Variants in ULK4 observed in about 807,000 individuals in gnomAD.
ULK4 encodes the protein unc-51 like kinase 4.
A neutral mutation model predicts 160.6 loss-of-function variants in ULK4; 133 were observed. That is an observed-to-expected ratio of 0.83 (90% CI 0.72 to 0.96). The LOEUF (loss-of-function observed/expected upper bound fraction) is 0.96. Ranked by LOEUF, ULK4 falls within the 40% of genes least tolerant of loss-of-function variation. ULK4 has a pLI of 0.00. For missense variants in ULK4, 1,580 were observed against 1,499.5 expected (o/e 1.05, Z -0.89); for synonymous variants, 534 against 539.8 (o/e 0.99, Z 0.15).
intron 21 of ULK4, among the ~76,000 whole-genome samples, chr3:41,771,917 A>G (rs144395605): frequency 1.8e-3 from 271 of 152,266 alleles, no homozygotes; most frequent in Non-Finnish European, 2.7e-3. Context: ...CCTTTTTAAG[A>G]AACAATGAAT....
intron 35 of ULK4, among the ~76,000 whole-genome samples, chr3:41,391,592 A>T (rs1369225475): frequency 1.3e-5 from 2 of 151,856 alleles, no homozygotes; most frequent in East Asian, 3.9e-4. Flanking sequence ...GTACTAAAAT[A>T]TTAAAAGAAT....
At chr3:41,491,850 T>C (rs1182673254) in intron 32 of ULK4, among the ~76,000 whole-genome samples, 12 of 151,954 alleles carry the variant, frequency 7.9e-5, no homozygotes, top group African/African-American at 2.9e-4. Context: ...CATTTAGCAT[T>C]AGGTATACCT....
chr3:41,739,715 T>G (rs907140107), intron 22 of ULK4, among the ~76,000 whole-genome samples: 1 of 151,914 alleles, frequency 6.6e-6, no homozygotes, highest in African/African-American at 2.4e-5. Flanking sequence ...CAAGATGACA[T>G]GTTTCTCCAA....
At chr3:41,532,702 G>A (rs574280655) in intron 32 of ULK4, among the ~76,000 whole-genome samples, 4 of 152,150 alleles carry the variant, frequency 2.6e-5, no homozygotes, top group Admixed American at 2.6e-4. Context: ...TGTGCTACAA[G>A]AGTGGATTTA....
intron 34 of ULK4, among the ~76,000 whole-genome samples, chr3:41,413,746 C>T (rs1328434873): frequency 6.6e-6 from 1 of 151,994 alleles, no homozygotes; most frequent in Non-Finnish European, 1.5e-5. Flanking sequence ...AAACTATGGC[C>T]CAACTTTGGT....
At chr3:41,719,440 T>G (rs1421217609) in intron 22 of ULK4, among the ~76,000 whole-genome samples, 1 of 152,218 alleles carries the variant, frequency 6.6e-6, no homozygotes, top group African/African-American at 2.4e-5. Flanking sequence ...TTAAAGAGGT[T>G]CAAACTCTGT....
intron 30 of ULK4, among the ~76,000 whole-genome samples, chr3:41,634,198 A>G (rs1440648627): frequency 1.3e-5 from 2 of 152,276 alleles, no homozygotes; most frequent in East Asian, 1.9e-4. Context: ...GATCCTTCAC[A>G]TGGGGAACTT....
At chr3:41,478,433 C>A (rs1380942632) in intron 32 of ULK4, among the ~76,000 whole-genome samples, 1 of 152,184 alleles carries the variant, frequency 6.6e-6, no homozygotes, top group Non-Finnish European at 1.5e-5. Context: ...GTATCTTAAA[C>A]CAGCCCAGCT....
intron 2 of ULK4, among the ~76,000 whole-genome samples, chr3:41,952,773 G>T (rs1700332755): frequency 6.6e-6 from 1 of 152,190 alleles, no homozygotes; most frequent in South Asian, 2.1e-4. Context: ...CATATTCATA[G>T]CACCATTGTT....
intron 17 of ULK4, among the ~76,000 whole-genome samples, chr3:41,842,303 T>C (rs1394135142): frequency 1.3e-5 from 2 of 151,032 alleles, no homozygotes; most frequent in African/African-American, 2.4e-5. Context: ...GAAACCCCCA[T>C]ATAAAAAGGG....
At chr3:41,651,055 TCTC>T (rs1407801035) in intron 30 of ULK4, among the ~76,000 whole-genome samples, 2 of 152,122 alleles carry the variant, frequency 1.3e-5, no homozygotes, top group African/African-American at 2.4e-5. Flanking sequence ...TACTTCTTTA[TCTC>T]CTCCTCAATC....
intron 21 of ULK4, among the ~76,000 whole-genome samples, chr3:41,763,705 T>C (rs1235134681): frequency 1.3e-5 from 2 of 152,214 alleles, no homozygotes; most frequent in African/African-American, 2.4e-5. Flanking sequence ...TTCACTTCTT[T>C]TGGGTATACA....
chr3:41,517,082 C>T (rs151195660), intron 32 of ULK4, among the ~76,000 whole-genome samples: 1 of 152,012 alleles, frequency 6.6e-6, no homozygotes, highest in East Asian at 1.9e-4. Context: ...GATACCTCAA[C>T]AAAGAAGATA....
At chr3:41,897,029 G>A in intron 14 of ULK4, 26 bp from the exon 15 acceptor site, 5 of 1,569,432 alleles carry the variant, frequency 3.2e-6, no homozygotes, top group Non-Finnish European at 4.3e-6. Flanking sequence ...AATAATAAAA[G>A]TACATATGAT....
intron 32 of ULK4, among the ~76,000 whole-genome samples, chr3:41,482,506 A>G (rs972093618): frequency 6.6e-6 from 1 of 152,210 alleles, no homozygotes; most frequent in Admixed American, 6.5e-5. Context: ...TACCTGGGAC[A>G]TAAAAATAGT....
At chr3:41,254,252 C>T (rs1394613589) in intron 35 of ULK4, among the ~76,000 whole-genome samples, 9 of 152,134 alleles carry the variant, frequency 5.9e-5, no homozygotes, top group African/African-American at 1.2e-4. Flanking sequence ...TGTCATAAAA[C>T]GTATCTTAAC....
At chr3:41,468,431 T>C (rs1349588653) in intron 32 of ULK4, among the ~76,000 whole-genome samples, 1 of 152,116 alleles carries the variant, frequency 6.6e-6, no homozygotes, top group Non-Finnish European at 1.5e-5. Context: ...AAGTAATGGA[T>C]ATCAAGGAAT....
At chr3:41,503,143 G>A (rs1379223438) in intron 32 of ULK4, among the ~76,000 whole-genome samples, 1 of 152,168 alleles carries the variant, frequency 6.6e-6, no homozygotes, top group Non-Finnish European at 1.5e-5. Context: ...AGACCCACAC[G>A]AATGTGAAAA....
intron 35 of ULK4, among the ~76,000 whole-genome samples, chr3:41,324,284 G>T (rs566179726): frequency 6.6e-6 from 1 of 152,202 alleles, no homozygotes; most frequent in African/African-American, 2.4e-5. Flanking sequence ...TTAATCAGTT[G>T]TCTGCAAATA....
Sources: allele counts gnomAD v4.1 joint callset (sites outside exome capture counted in the v4.1 genomes callset), GRCh38; gene constraint gnomAD v4.1.1; transcripts MANE v1.5; gene names NCBI Gene and HGNC (gene_info 2026-07-23, HGNC 2026-07-21).